IL1RAPL1: variants seen among roughly 807,000 people sequenced by gnomAD.
IL1RAPL1 encodes interleukin 1 receptor accessory protein like 1, also known as interleukin-1 receptor accessory protein-like 1.
Under a neutral mutation model 48.4 loss-of-function variants are expected in IL1RAPL1, and 3 were observed. The observed-to-expected ratio is 0.06, with a 90% CI of 0.03 to 0.16. IL1RAPL1 has a LOEUF of 0.16. IL1RAPL1 is among the 10% of genes least tolerant of loss of function. The pLI, the probability that IL1RAPL1 is intolerant of heterozygous loss-of-function variation, is 1.00. For synonymous variants in IL1RAPL1, 185 were observed against 187.7 expected (o/e 0.99, Z 0.12); for missense variants, 349 against 530.6 (o/e 0.66, Z 3.36).
Position 28,800,026 on chromosome X carries a change from G to A in IL1RAPL1, c.82+10601G>A, listed in dbSNP as rs1300948949. ...GTGACCTAAAACAATAAAATTTATT[G>A]TCTCACAGTTCTGGAGGCCAGAAGC... is the stretch of plus-strand genomic sequence containing the variant. On this transcript the variant is annotated intron_variant, in intron 2 of 10. Transcript: ENST00000378993. Among the ~76,000 whole-genome samples, 4 of 111,336 alleles carry A rather than the reference G, an allele frequency of 3.6e-5. No homozygotes were observed. In the East Asian group the frequency reaches 1.1e-3, roughly 32 times the overall value.
In IL1RAPL1 at chrX:28,931,803, C is replaced by T. The variant is rs182181190; in HGVS notation, c.82+142378C>T. 7.9e-4 allele frequency among the ~76,000 whole-genome samples: 87 copies of T among 110,317 alleles called. No homozygotes were observed. The East Asian group carries it at 0.021, about 26-fold the overall frequency. The stretch of plus-strand genomic sequence containing the variant: ...CTGTAATCCCAGCACTTTGGGAGGC[C>T]GAGGCGGGTGGATCACGAGGTCAGG... On this transcript the variant is annotated intron_variant, in intron 2 of 10. Coordinates refer to ENST00000378993, the MANE Select transcript of IL1RAPL1 (RefSeq NM_014271.4).
At chrX:29,429,285 G>A (rs765995021) in intron 5 of IL1RAPL1, among the ~76,000 whole-genome samples, 8 of 112,126 alleles carry the variant, frequency 7.1e-5, no homozygotes, top group African/African-American at 1.9e-4. Flanking sequence ...AGACCTGAGA[G>A]TAGGATCCTC....
intron 5 of IL1RAPL1, among the ~76,000 whole-genome samples, chrX:29,580,308 A>G (rs1922920484): frequency 9.0e-6 from 1 of 111,551 alleles, no homozygotes; most frequent in African/African-American, 3.3e-5. Context: ...GTGCTTTTAA[A>G]TAATTAAATG....
At chrX:28,625,063 A>G (rs2146890298) in intron 1 of IL1RAPL1, among the ~76,000 whole-genome samples, 1 of 111,905 alleles carries the variant, frequency 8.9e-6, no homozygotes, top group Non-Finnish European at 1.9e-5. Context: ...TCTACAAGGT[A>G]ACCTGTTACT....
At chrX:28,985,935 A>G (rs934793598) in intron 2 of IL1RAPL1, among the ~76,000 whole-genome samples, 1 of 111,687 alleles carries the variant, frequency 9.0e-6, no homozygotes, top group East Asian at 2.8e-4. Flanking sequence ...CTGGGATTAC[A>G]GGCGTGAGCC....
At chrX:29,771,096 CTAT>C (rs1368694866) in intron 6 of IL1RAPL1, among the ~76,000 whole-genome samples, 1 of 112,270 alleles carries the variant, frequency 8.9e-6, no homozygotes, top group Admixed American at 9.5e-5. Flanking sequence ...AACTTTACTA[CTAT>C]GAGTGTCACC....
At chrX:28,763,000 G>A (rs1936194997) in intron 1 of IL1RAPL1, among the ~76,000 whole-genome samples, 1 of 111,113 alleles carries the variant, frequency 9.0e-6, no homozygotes, top group Admixed American at 9.7e-5. Context: ...GTATGTCAGG[G>A]AACATTGACA....
In IL1RAPL1 at chrX:29,134,548, C is replaced by G. The variant is rs553935775; in HGVS notation, c.83-148390C>G. ...CCACCTTAGCTTCCTCCAGAGTTCA[C>G]TGTTATCTCTTCTCTCAGCAGGTCT... On this transcript the variant is annotated intron_variant, in intron 2 of 10. Transcript: ENST00000378993. Among the ~76,000 whole-genome samples, 16 of 111,897 alleles carry G rather than the reference C, an allele frequency of 1.4e-4. No individual in the cohort carries two copies. In the South Asian group the frequency reaches 6.0e-3, roughly 42 times the overall value.
chrX:28,636,748 A>C (rs1244923871), intron 1 of IL1RAPL1, among the ~76,000 whole-genome samples: 1 of 111,603 alleles, frequency 9.0e-6, no homozygotes. Context: ...TGGGGTCAAA[A>C]TCCTTCCAAC....
At chrX:29,867,162 C>T (rs1931711803) in intron 6 of IL1RAPL1, among the ~76,000 whole-genome samples, 1 of 111,308 alleles carries the variant, frequency 9.0e-6, no homozygotes, top group African/African-American at 3.3e-5. Context: ...AATAAAATTA[C>T]AAGACTCTTA....
chrX:29,319,505 CAT>C lies in IL1RAPL1; in HGVS notation c.362+36289_362+36290del, dbSNP rs774186857. On this transcript the variant is annotated intron_variant, in intron 3 of 10. Transcript: ENST00000378993. Reference sequence around the variant, plus strand: ...AGACATAAGTCACCATGCCTGGACACATGTGATATTTTGTATGTATGTATGTA... The same window carrying C: ...AGACATAAGTCACCATGCCTGGACACGTGATATTTTGTATGTATGTATGTA... 7.9e-5 allele frequency among the ~76,000 whole-genome samples: 8 copies of C among 101,658 alleles called. No homozygotes were observed. In the South Asian group the frequency reaches 1.4e-3, roughly 18 times the overall value. 88.3% of individuals were successfully genotyped at this position (101,658 alleles called of 115,157 possible). A position where few individuals can be genotyped will look rare whatever the true frequency, so the allele number is the denominator to read the frequency against.
intron 6 of IL1RAPL1, among the ~76,000 whole-genome samples, chrX:29,734,135 T>G (rs1927987938): frequency 8.9e-6 from 1 of 112,821 alleles, no homozygotes; most frequent in Non-Finnish European, 1.9e-5. Context: ...GAAGAAATTA[T>G]TATTGATTCC....
chrX:29,214,899 G>A (rs985549775), intron 2 of IL1RAPL1, among the ~76,000 whole-genome samples: 2 of 112,053 alleles, frequency 1.8e-5, no homozygotes, highest in African/African-American at 3.2e-5. Flanking sequence ...GCAGAATGGA[G>A]TACAAACTTT....
intron 6 of IL1RAPL1, among the ~76,000 whole-genome samples, chrX:29,704,926 T>C (rs1475045258): frequency 9.0e-6 from 1 of 111,486 alleles, no homozygotes; most frequent in Non-Finnish European, 1.9e-5. Context: ...TTAATTTTTT[T>C]ATTTTTATAA....
At chrX:29,157,997 A>C (rs896731393) in intron 2 of IL1RAPL1, among the ~76,000 whole-genome samples, 1 of 111,726 alleles carries the variant, frequency 9.0e-6, no homozygotes, top group Non-Finnish European at 1.9e-5. Context: ...AGTCCCATGT[A>C]GTAGAAGGAA....
intron 5 of IL1RAPL1, among the ~76,000 whole-genome samples, chrX:29,630,271 C>T (rs929644940): frequency 9.0e-6 from 1 of 111,563 alleles, no homozygotes; most frequent in South Asian, 3.8e-4. Flanking sequence ...ACTCCCATCT[C>T]CTAAAACCAG....
chrX:29,815,352 G>C (rs895917964), intron 6 of IL1RAPL1, among the ~76,000 whole-genome samples: 2 of 111,520 alleles, frequency 1.8e-5, no homozygotes, highest in African/African-American at 6.5e-5. Context: ...TTGTAAATGG[G>C]ATTGCATTCT....
intron 5 of IL1RAPL1, among the ~76,000 whole-genome samples, chrX:29,632,162 T>G (rs952005399): frequency 2.7e-5 from 3 of 109,906 alleles, no homozygotes; most frequent in Non-Finnish European, 5.7e-5. Context: ...CTTTTTTTTT[T>G]TTTTGAGACA....
intron 2 of IL1RAPL1, among the ~76,000 whole-genome samples, chrX:28,976,977 G>C (rs1925221852): frequency 8.9e-6 from 1 of 112,364 alleles, no homozygotes; most frequent in Admixed American, 9.4e-5. Flanking sequence ...AATGAACATG[G>C]TTATGTTCTG....
Sources: allele counts gnomAD v4.1 joint callset (sites outside exome capture counted in the v4.1 genomes callset), GRCh38; gene constraint gnomAD v4.1.1; transcripts MANE v1.5; gene names NCBI Gene and HGNC (gene_info 2026-07-23, HGNC 2026-07-21).